The following GABBR2 variants were observed in gnomAD, a reference collection of about 807,000 sequenced individuals.
The protein encoded by GABBR2 is G-protein coupled receptor 51.
Under a neutral mutation model 105.6 loss-of-function variants are expected in GABBR2, and 23 were observed. That is an observed-to-expected ratio of 0.22 (90% confidence interval 0.16 to 0.31). The LOEUF is 0.31. Among genes scored for constraint, GABBR2 ranks in the 10% least tolerant of loss-of-function variants. GABBR2 has a pLI of 1.00. For missense variants in GABBR2, 734 were observed against 1,245.5 expected, an observed-to-expected ratio of 0.59 and a Z score of 6.18; for synonymous variants, 478 against 499.7, an observed-to-expected ratio of 0.96 and a Z score of 0.58.
intron 4 of GABBR2, among the ~76,000 whole-genome samples, chr9:98,490,405 G>A (rs1282392847): frequency 6.6e-6 from 1 of 152,122 alleles, no homozygotes; most frequent in African/African-American, 2.4e-5. Context: ...AGGGACTTTT[G>A]GGGTATCTGA....
In GABBR2 at chr9:98,473,289, C is replaced by G. The variant is rs745672188; in HGVS notation, c.856G>C (p.Glu286Gln). 2 of 1,613,576 alleles carry G rather than the reference C, an allele frequency of 1.2e-6. No individual in the cohort carries two copies. Among genetic ancestry groups the G allele is most frequent in the Non-Finnish European group, 1.7e-6 (2 of 1,179,814 alleles). Residue 286 changes from glutamate (E) to glutamine (Q), a missense_variant, in exon 6 of 19, where the codon GAG becomes CAG. By Grantham distance (29) the Glu-to-Gln change is conservative. Coordinates refer to ENST00000259455, the MANE Select transcript of GABBR2 (RefSeq NM_005458.8). ...KYQWIIPGWYEPSWWEQVHTE... is the reference protein window; with the variant it reads ...KYQWIIPGWYQPSWWEQVHTE... ...TGCACCTGCTCCCACCAAGAAGGCTCGTACCAGCCCGGAATGATCCACTGA... is the reference window on the plus strand; with the variant it reads ...TGCACCTGCTCCCACCAAGAAGGCTGGTACCAGCCCGGAATGATCCACTGA...
At chr9:98,609,481 G>A (rs547790461) in intron 1 of GABBR2, among the ~76,000 whole-genome samples, 4 of 152,162 alleles carry the variant, frequency 2.6e-5, no homozygotes, top group Non-Finnish European at 4.4e-5. Flanking sequence ...GAGTGGGAAT[G>A]GTCTCCTGAC....
intron 13 of GABBR2, among the ~76,000 whole-genome samples, chr9:98,337,262 A>G (rs4743206): frequency 0.44 from 67,284 of 151,890 alleles, 15,016 homozygotes; most frequent in African/African-American, 0.48. Context: ...CCAAGATTGC[A>G]CCAATGCACT....
intron 5 of GABBR2, among the ~76,000 whole-genome samples, chr9:98,478,014 G>C (rs1826830070): frequency 6.6e-6 from 1 of 152,210 alleles, no homozygotes; most frequent in Non-Finnish European, 1.5e-5. Context: ...TAGAGTGCTT[G>C]AGAATTTAGA....
At chr9:98,695,094 C>T (rs901492951) in intron 1 of GABBR2, among the ~76,000 whole-genome samples, 1 of 152,198 alleles carries the variant, frequency 6.6e-6, no homozygotes, top group African/African-American at 2.4e-5. Context: ...CACTTAGGGG[C>T]CCAGTTCTGA....
At chr9:98,483,280 A>G (rs936907619) in intron 4 of GABBR2, among the ~76,000 whole-genome samples, 7 of 151,840 alleles carry the variant, frequency 4.6e-5, no homozygotes, top group Non-Finnish European at 1.0e-4. Context: ...ATCAGTCCCA[A>G]CCCTCCAGCC....
chr9:98,291,046 G>A (rs961713117), intron 18 of GABBR2, among the ~76,000 whole-genome samples: 2 of 152,164 alleles, frequency 1.3e-5, no homozygotes, highest in African/African-American at 4.8e-5. Flanking sequence ...TAGCAGAAAA[G>A]ATGCTCCTTG....
At chr9:98,523,036 T>TC (rs1355254649) in intron 3 of GABBR2, among the ~76,000 whole-genome samples, 1 of 152,188 alleles carries the variant, frequency 6.6e-6, no homozygotes, top group African/African-American at 2.4e-5. Context: ...TAAAGTACAA[T>TC]TGTAGCATAG....
chr9:98,410,238 G>A (rs1335644170), intron 7 of GABBR2, among the ~76,000 whole-genome samples: 1 of 152,076 alleles, frequency 6.6e-6, no homozygotes, highest in South Asian at 2.1e-4. Flanking sequence ...TTCCAGGGCT[G>A]TAACAGAATC....
At chr9:98,571,421 G>C (rs940793068) in intron 2 of GABBR2, among the ~76,000 whole-genome samples, 17 of 152,192 alleles carry the variant, frequency 1.1e-4, no homozygotes, top group Non-Finnish European at 2.4e-4. Flanking sequence ...ATTTGTTAAA[G>C]AGCCCAGGTG....
At chr9:98,700,203 T>C (rs1349277622) in intron 1 of GABBR2, among the ~76,000 whole-genome samples, 1 of 152,168 alleles carries the variant, frequency 6.6e-6, no homozygotes, top group Non-Finnish European at 1.5e-5. Flanking sequence ...GAGCCTAGAA[T>C]AGGGCCAGGT....
chr9:98,386,943 AT>A (rs1318789667), intron 10 of GABBR2, among the ~76,000 whole-genome samples: 1 of 152,146 alleles, frequency 6.6e-6, no homozygotes, highest in African/African-American at 2.4e-5. Context: ...GCCTGGCTGA[AT>A]TTCCTCACCT....
chr9:98,395,440 G>GCA (rs937088728), intron 8 of GABBR2, among the ~76,000 whole-genome samples: 1 of 152,066 alleles, frequency 6.6e-6, no homozygotes, highest in African/African-American at 2.4e-5. Flanking sequence ...GGAGTCATCG[G>GCA]CATGGAAGAT....
intron 8 of GABBR2, among the ~76,000 whole-genome samples, chr9:98,400,438 G>C (rs1039281129): frequency 6.6e-6 from 1 of 152,174 alleles, no homozygotes; most frequent in Non-Finnish European, 1.5e-5. Flanking sequence ...TGTGGATATG[G>C]GCAAGGCCAT....
chr9:98,357,149 T>C (rs1831498377), intron 13 of GABBR2, among the ~76,000 whole-genome samples: 1 of 152,196 alleles, frequency 6.6e-6, no homozygotes, highest in Non-Finnish European at 1.5e-5. Flanking sequence ...ATGTAAACTA[T>C]GGACTGTAGT....
intron 1 of GABBR2, among the ~76,000 whole-genome samples, chr9:98,627,687 C>T (rs114106987): frequency 0.015 from 2,334 of 152,312 alleles, 62 homozygotes; most frequent in African/African-American, 0.053. Flanking sequence ...GAAGCGGGTC[C>T]GTGTGCTGGC....
chr9:98,354,937 G>T (rs568930065), intron 13 of GABBR2, among the ~76,000 whole-genome samples: 1 of 152,120 alleles, frequency 6.6e-6, no homozygotes, highest in Non-Finnish European at 1.5e-5. Context: ...CCTTCAACCT[G>T]CCTTCCTCAC....
chr9:98,581,447 ATT>A (rs1829002092), intron 1 of GABBR2, among the ~76,000 whole-genome samples: 1 of 141,060 alleles, frequency 7.1e-6, no homozygotes, highest in Non-Finnish European at 1.6e-5. Flanking sequence ...GGCCAAGTTA[ATT>A]TATTTCCCCA....
intron 1 of GABBR2, among the ~76,000 whole-genome samples, chr9:98,622,770 C>T (rs1008809898): frequency 3.3e-5 from 5 of 152,170 alleles, no homozygotes; most frequent in African/African-American, 1.2e-4. Context: ...GAGGCAGGTA[C>T]TTGTATTAAT....
Sources: gnomAD v4.1 joint callset for allele counts (sites outside exome capture counted in the v4.1 genomes callset) on GRCh38, gnomAD v4.1.1 for gene constraint, MANE v1.5 for transcripts, NCBI Gene and HGNC (gene_info 2026-07-23, HGNC 2026-07-21) for gene names.